The following PALLD variants were observed in gnomAD, a reference collection of about 807,000 sequenced individuals.
PALLD encodes palladin, cytoskeletal associated protein.
A neutral mutation model predicts 123.5 loss-of-function variants in PALLD; 61 were observed. The observed-to-expected ratio is 0.49, with a 90% CI of 0.40 to 0.61. PALLD has a LOEUF of 0.61. Among genes scored for constraint, PALLD ranks in the 20% least tolerant of loss-of-function variants. The pLI, the probability that PALLD is intolerant of heterozygous loss-of-function variation, is 0.00. For synonymous variants in PALLD, 465 were observed against 496.4 expected, an observed-to-expected ratio of 0.94 and a Z score of 0.84; for missense variants, 1,273 against 1,377.0, an observed-to-expected ratio of 0.92 and a Z score of 1.20.
At chr4:168,550,994 A>G (rs951773066) in intron 2 of PALLD, among the ~76,000 whole-genome samples, 7 of 152,194 alleles carry the variant, frequency 4.6e-5, no homozygotes, top group African/African-American at 1.7e-4. Context: ...TGCTTCAAGA[A>G]TTTTCACATT....
At chr4:168,575,626 C>T (rs1313263831) in intron 2 of PALLD, among the ~76,000 whole-genome samples, 3 of 152,002 alleles carry the variant, frequency 2.0e-5, no homozygotes, top group Non-Finnish European at 2.9e-5. Context: ...ACAAGTCTCT[C>T]GGAGCTGCCG....
In PALLD at chr4:168,833,860, G is replaced by C. The variant is rs1359564228; in HGVS notation, c.1965-57062G>C. The stretch of plus-strand genomic sequence containing the variant: ...TCTGTTTAGATCAATGGATATAGGA[G>C]ATAGTTTGAAGCTAATGTACCCCTA... On this transcript the variant is annotated intron_variant, in intron 10 of 21. Transcript: ENST00000505667. Among the ~76,000 whole-genome samples, 3 of 150,416 alleles carry C rather than the reference G, an allele frequency of 2.0e-5. No individual in the cohort carries two copies. The East Asian group carries it at 5.8e-4, about 29-fold the overall frequency.
intron 10 of PALLD, among the ~76,000 whole-genome samples, chr4:168,782,426 A>G (rs1736056342): frequency 6.6e-6 from 1 of 152,232 alleles, no homozygotes; most frequent in Non-Finnish European, 1.5e-5. Context: ...AATGTTTCCT[A>G]TTTACATGTT....
intron 10 of PALLD, among the ~76,000 whole-genome samples, chr4:168,774,069 CTTT>C (rs5863958): frequency 7.8e-5 from 11 of 141,176 alleles, no homozygotes; most frequent in South Asian, 2.2e-4. Flanking sequence ...TTTTCTCTCT[CTTT>C]TTTTTTTTTT....
chr4:168,511,738 T>C lies in PALLD; in HGVS notation c.234T>C (p.His78=). The change falls in exon 2 of 22, where the codon CAT becomes CAC. Residue 78 remains histidine (H), a synonymous_variant. Transcript: ENST00000505667. ...FSTSPASLCE[H]PSHKETKLGE... is the part of the protein sequence containing the mutation. Reference sequence around the variant, plus strand: ...CTTCTCCTGCAAGCCTCTGTGAACATCCTTCCCATAAGGAGACCAAATTGG... The same window carrying C: ...CTTCTCCTGCAAGCCTCTGTGAACACCCTTCCCATAAGGAGACCAAATTGG... 1.2e-6 allele frequency: 2 copies of C among 1,614,124 alleles called. No individual in the cohort carries two copies. The highest frequency in any genetic ancestry group is 1.3e-5 in the African/African-American group (1 of 75,032).
intron 16 of PALLD, 137 bp downstream of exon 16, chr4:168,914,158 TG>T (rs1759627954): frequency 4.4e-6 from 3 of 686,156 alleles, no homozygotes; most frequent in African/African-American, 1.8e-5. Context: ...CTGAAGCCTG[TG>T]GCTCCTTGAT....
At position 168,650,911 on chromosome 4, in the gene PALLD, A is replaced by T. The variant is rs577625981; in HGVS notation, c.909-17279A>T. Among the ~76,000 whole-genome samples, 4 of 152,276 alleles carry T rather than the reference A, an allele frequency of 2.6e-5. No individual in the cohort carries two copies. In the South Asian group the frequency reaches 8.3e-4, roughly 32 times the overall value. ...TTCCTCCTTTATGTAAAATATGTAC[A>T]ATCTGATGATATTATTTGCTAAATA... is the stretch of plus-strand genomic sequence containing the variant. On this transcript the variant is annotated intron_variant, in intron 2 of 21. Coordinates refer to ENST00000505667, the MANE Select transcript of PALLD (RefSeq NM_001166108.2).
chr4:168,798,914 C>T (rs974979904), intron 10 of PALLD, among the ~76,000 whole-genome samples: 3 of 152,110 alleles, frequency 2.0e-5, no homozygotes, highest in Non-Finnish European at 2.9e-5. Context: ...AAAAGAAAAT[C>T]TTCAGCCAAA....
chr4:168,554,608 C>T (rs1427047625), intron 2 of PALLD, among the ~76,000 whole-genome samples: 1 of 152,162 alleles, frequency 6.6e-6, no homozygotes, highest in African/African-American at 2.4e-5. Context: ...ACATGGTAAA[C>T]ATTAAAATAT....
intron 2 of PALLD, among the ~76,000 whole-genome samples, chr4:168,603,676 G>T (rs1171328900): frequency 6.6e-6 from 1 of 152,060 alleles, no homozygotes; most frequent in Non-Finnish European, 1.5e-5. Context: ...CATTCTCTTC[G>T]TTAAAAATGA....
chr4:168,580,937 G>A (rs11945680), intron 2 of PALLD, among the ~76,000 whole-genome samples: 15,215 of 151,744 alleles, frequency 0.1, 915 homozygotes, highest in South Asian at 0.18. Context: ...ATGTGGACAG[G>A]AGGAGGAAAA....
chr4:168,691,488 G>A (rs1003174850), intron 8 of PALLD, among the ~76,000 whole-genome samples, 196 bp downstream of exon 8: 5 of 152,120 alleles, frequency 3.3e-5, no homozygotes, highest in South Asian at 4.1e-4. Flanking sequence ...TTACATCAAC[G>A]TCTTTATTAG....
chr4:168,689,798 G>A (rs1005994109), intron 6 of PALLD, among the ~76,000 whole-genome samples: 1 of 152,050 alleles, frequency 6.6e-6, no homozygotes, highest in African/African-American at 2.4e-5. Context: ...AAGTTTAAAA[G>A]GCCCTATTGC....
At chr4:168,623,206 C>T (rs987784519) in intron 2 of PALLD, among the ~76,000 whole-genome samples, 1 of 152,198 alleles carries the variant, frequency 6.6e-6, no homozygotes, top group Non-Finnish European at 1.5e-5. Context: ...GCCAAACTCA[C>T]AGTACTACCT....
intron 2 of PALLD, among the ~76,000 whole-genome samples, chr4:168,639,046 C>A (rs1580709033): frequency 6.6e-6 from 1 of 152,174 alleles, no homozygotes; most frequent in Non-Finnish European, 1.5e-5. Context: ...TACCTCTCCC[C>A]AGTTTTCCCA....
At chr4:168,768,781 C>T (rs1290227505) in intron 10 of PALLD, among the ~76,000 whole-genome samples, 1 of 144,812 alleles carries the variant, frequency 6.9e-6, no homozygotes, top group African/African-American at 2.6e-5. Flanking sequence ...CAAGCAATTC[C>T]CATGCCACAG....
intron 10 of PALLD, among the ~76,000 whole-genome samples, chr4:168,795,337 G>A (rs941050440): frequency 6.6e-6 from 1 of 152,176 alleles, no homozygotes; most frequent in African/African-American, 2.4e-5. Context: ...ATTTGAAAAT[G>A]AAATCGAAGA....
intron 10 of PALLD, among the ~76,000 whole-genome samples, chr4:168,848,919 G>A (rs77614721): frequency 5.1e-4 from 78 of 152,282 alleles, no homozygotes; most frequent in African/African-American, 1.8e-3. Flanking sequence ...AGACACAAAT[G>A]AACTTTCCCT....
At chr4:168,918,849 G>A (rs1052254286) in intron 17 of PALLD, among the ~76,000 whole-genome samples, 1 of 152,060 alleles carries the variant, frequency 6.6e-6, no homozygotes, top group Admixed American at 6.5e-5. Flanking sequence ...AACGTTTTGA[G>A]TTAACCAGGG....
Sources: gnomAD v4.1 joint callset for allele counts (sites outside exome capture counted in the v4.1 genomes callset) on GRCh38, gnomAD v4.1.1 for gene constraint, MANE v1.5 for transcripts, NCBI Gene and HGNC (gene_info 2026-07-23, HGNC 2026-07-21) for gene names.